Variants in DPP10 observed in about 807,000 individuals in gnomAD.
The protein encoded by DPP10 is inactive dipeptidyl peptidase 10.
A neutral mutation model predicts 120.9 loss-of-function variants in DPP10; 33 were observed. The observed-to-expected ratio is 0.27, with a 90% CI of 0.21 to 0.37. DPP10 has a LOEUF of 0.37. Ranked by LOEUF, DPP10 falls within the 10% of genes least tolerant of loss-of-function variation. DPP10 has a pLI of 1.00. For synonymous variants in DPP10, 337 were observed against 326.1 expected (o/e 1.03, Z -0.36); for missense variants, 816 against 942.8 (o/e 0.87, Z 1.76).
At chr2:115,707,112 A>G (rs1457444104) in intron 7 of DPP10, among the ~76,000 whole-genome samples, 1 of 152,006 alleles carries the variant, frequency 6.6e-6, no homozygotes, top group African/African-American at 2.4e-5. Context: ...ACTTTAATAG[A>G]TTTTGAGAAA....
At chr2:114,747,307 T>C (rs1317234698) in intron 1 of DPP10, among the ~76,000 whole-genome samples, 1 of 152,218 alleles carries the variant, frequency 6.6e-6, no homozygotes, top group Non-Finnish European at 1.5e-5. Flanking sequence ...TCTGTCTTCC[T>C]TTTTATCAGT....
intron 1 of DPP10, among the ~76,000 whole-genome samples, chr2:115,225,138 A>T (rs1184449510): frequency 1.3e-5 from 2 of 152,178 alleles, no homozygotes; most frequent in Admixed American, 6.6e-5. Context: ...TAAATTCTTA[A>T]GGCATTTGTG....
chr2:114,947,855 T>C (rs1179986366), intron 1 of DPP10, among the ~76,000 whole-genome samples: 2 of 152,100 alleles, frequency 1.3e-5, no homozygotes, highest in Non-Finnish European at 2.9e-5. Context: ...GGAAGCTTTT[T>C]GAATTTTCCT....
intron 1 of DPP10, among the ~76,000 whole-genome samples, chr2:114,747,951 G>A (rs1384340922): frequency 6.6e-6 from 1 of 152,000 alleles, no homozygotes; most frequent in Non-Finnish European, 1.5e-5. Context: ...GTAAACTGTT[G>A]GTTACTGGCC....
At chr2:114,453,708 G>A (rs756928275) in intron 1 of DPP10, among the ~76,000 whole-genome samples, 5 of 152,118 alleles carry the variant, frequency 3.3e-5, no homozygotes, top group African/African-American at 7.2e-5. Flanking sequence ...ACATACCAGA[G>A]CAAAACCCAT....
chr2:115,490,628 C>T (rs1448457), intron 3 of DPP10, among the ~76,000 whole-genome samples: 2,260 of 152,202 alleles, frequency 0.015, 58 homozygotes, highest in African/African-American at 0.052. Flanking sequence ...TCAGAATAAA[C>T]CTCTTTAAAG....
chr2:115,727,421 G>T (rs1319525589), intron 7 of DPP10, among the ~76,000 whole-genome samples: 2 of 152,086 alleles, frequency 1.3e-5, no homozygotes, highest in African/African-American at 4.8e-5. Context: ...ACCCCAAATT[G>T]AAGCTCTTCA....
At chr2:114,752,844 G>C (rs903029093) in intron 1 of DPP10, among the ~76,000 whole-genome samples, 7 of 152,202 alleles carry the variant, frequency 4.6e-5, no homozygotes, top group African/African-American at 1.7e-4. Flanking sequence ...TAAAATCATA[G>C]GTTTGCTGAT....
chr2:114,922,876 A>G (rs1695302693), intron 1 of DPP10, among the ~76,000 whole-genome samples: 1 of 152,178 alleles, frequency 6.6e-6, no homozygotes, highest in Admixed American at 6.5e-5. Context: ...TTTTAGAGGG[A>G]CATATGTTTC....
intron 7 of DPP10, among the ~76,000 whole-genome samples, chr2:115,722,231 G>A (rs1171357441): frequency 2.0e-5 from 3 of 151,898 alleles, no homozygotes; most frequent in Admixed American, 2.0e-4. Flanking sequence ...ACAGATTTAA[G>A]AGGGTAGATT....
In DPP10 at chr2:114,918,367, A is replaced by G. The variant is rs560626012; in HGVS notation, c.61-390872A>G. On this transcript the variant is annotated intron_variant, in intron 1 of 25. Coordinates refer to ENST00000410059, the MANE Select transcript of DPP10 (RefSeq NM_020868.6). ...GCTGGTGGGGATATAAGTTAGTTTAACCACCATGGAAAGCAGTTTGGATAT... is the reference window on the plus strand; with the variant it reads ...GCTGGTGGGGATATAAGTTAGTTTAGCCACCATGGAAAGCAGTTTGGATAT... 1.2e-3 allele frequency among the ~76,000 whole-genome samples: 177 copies of G among 152,286 alleles called. 1 individual carries two copies. Among genetic ancestry groups the G allele is most frequent in the African/African-American group, 3.7e-3 (155 of 41,556 alleles).
chr2:114,559,601 C>G (rs570189916), intron 1 of DPP10, among the ~76,000 whole-genome samples: 2 of 152,278 alleles, frequency 1.3e-5, no homozygotes, highest in Admixed American at 1.3e-4. Context: ...CCTACCCACT[C>G]TAGCTCTCTC....
At chr2:114,672,321 A>G (rs929656527) in intron 1 of DPP10, among the ~76,000 whole-genome samples, 1 of 152,112 alleles carries the variant, frequency 6.6e-6, no homozygotes, top group Non-Finnish European at 1.5e-5. Context: ...AAATAATGTC[A>G]TATTTTCTTT....
At position 115,348,063 on chromosome 2, in the gene DPP10, T is replaced by C. The variant is rs557053346; in HGVS notation, c.271+4151T>C. On this transcript the variant is annotated intron_variant, in intron 3 of 25. Transcript: ENST00000410059. ...ACTTGCTTCAGGGATGGCAGAGAGG[T>C]AGGAGACAGGAAGGCAGAAGGAGGT... is the stretch of plus-strand genomic sequence containing the variant. Among the ~76,000 whole-genome samples, 3 of 151,980 alleles carry C rather than the reference T, an allele frequency of 2.0e-5. No individual in the cohort carries two copies. In the East Asian group the frequency reaches 5.8e-4, roughly 29 times the overall value.
chr2:114,539,141 T>C (rs1686752451), intron 1 of DPP10, among the ~76,000 whole-genome samples: 1 of 148,792 alleles, frequency 6.7e-6, no homozygotes, highest in Admixed American at 6.7e-5. Context: ...TATAAATATA[T>C]TTATAATTAT....
chr2:115,351,057 A>T (rs2063998531), intron 3 of DPP10, among the ~76,000 whole-genome samples: 1 of 152,150 alleles, frequency 6.6e-6, no homozygotes, highest in East Asian at 1.9e-4. Context: ...TCTACCAAAA[A>T]GACCCATACA....
chr2:115,175,576 A>G (rs564578358), intron 1 of DPP10, among the ~76,000 whole-genome samples: 1 of 152,334 alleles, frequency 6.6e-6, no homozygotes, highest in South Asian at 2.1e-4. Flanking sequence ...AAGGGGTTCA[A>G]TGAATAATTT....
In DPP10 at chr2:114,811,547, C is replaced by T. The variant is rs112862050; in HGVS notation, c.60+368709C>T. On this transcript the variant is annotated intron_variant, in intron 1 of 25. Coordinates refer to ENST00000410059, the MANE Select transcript of DPP10 (RefSeq NM_020868.6). ...TCCACCATGACAATAACTTCCAATTCCAACTCCACTCTCATCTGGACTTTC... is the reference window on the plus strand; with the variant it reads ...TCCACCATGACAATAACTTCCAATTTCAACTCCACTCTCATCTGGACTTTC... Among the ~76,000 whole-genome samples the T allele has an allele frequency of 6.0e-3, 918 of 152,074 alleles. 16 individuals are homozygous for T. The highest frequency in any genetic ancestry group is 0.021 in the African/African-American group (880 of 41,484).
chr2:115,362,876 T>C (rs2064868663), intron 3 of DPP10, among the ~76,000 whole-genome samples: 1 of 152,202 alleles, frequency 6.6e-6, no homozygotes, highest in Non-Finnish European at 1.5e-5. Flanking sequence ...AGCTCTTTGC[T>C]CTTTGATTTG....
Sources: allele counts gnomAD v4.1 joint callset (sites outside exome capture counted in the v4.1 genomes callset), GRCh38; gene constraint gnomAD v4.1.1; transcripts MANE v1.5; gene names NCBI Gene and HGNC (gene_info 2026-07-23, HGNC 2026-07-21).